Variants in SPAG9 observed in about 807,000 individuals in gnomAD.
The protein encoded by SPAG9 is C-Jun-amino-terminal kinase-interacting protein 4.
In SPAG9, 35 loss-of-function variants were observed where a neutral mutation model predicts 166.5. That is an observed-to-expected ratio of 0.21 (90% confidence interval 0.16 to 0.28). The LOEUF is 0.28. Among genes scored for constraint, SPAG9 ranks in the 10% least tolerant of loss-of-function variants. The pLI is 1.00. For missense variants in SPAG9, 1,235 were observed against 1,603.3 expected (o/e 0.77, Z 3.92); for synonymous variants, 534 against 565.5 (o/e 0.94, Z 0.79).
chr17:51,008,903 A>G (rs1408494538), intron 9 of SPAG9, among the ~76,000 whole-genome samples: 1 of 152,194 alleles, frequency 6.6e-6, no homozygotes, highest in Non-Finnish European at 1.5e-5. Context: ...TAACAAAGTT[A>G]TAGAGACAGA....
In SPAG9 at chr17:51,021,308, C is replaced by G; in HGVS notation, c.841G>C (p.Ala281Pro). The change falls in exon 7 of 30, where the codon GCT (alanine) becomes CCT (proline). Residue 281 changes from alanine to proline, a missense_variant. Ala to Pro is a conservative substitution (Grantham distance 27). Transcript: ENST00000262013. ...GGAATTGTTGCCACATCTGAATTAG[C>G]TGTTGATGCTGGAGTGGTAGCTTTA... is the stretch of plus-strand genomic sequence containing the variant. ...GSKATTPAST[A>P]NSDVATIPTD... 1 of 1,614,062 alleles carries G rather than the reference C, an allele frequency of 6.2e-7. No individual in the cohort carries two copies. Among genetic ancestry groups the G allele is most frequent in the Non-Finnish European group, 8.5e-7 (1 of 1,179,956 alleles).
intron 11 of SPAG9, among the ~76,000 whole-genome samples, chr17:51,005,466 T>TA (rs943298826): frequency 2.0e-5 from 3 of 152,200 alleles, no homozygotes; most frequent in African/African-American, 4.8e-5. Context: ...GAAAGTGGGA[T>TA]AAAAAAATAA....
intron 15 of SPAG9, among the ~76,000 whole-genome samples, chr17:50,998,022 ATTTTT>A (rs563896612): frequency 3.3e-5 from 3 of 90,800 alleles, no homozygotes; most frequent in South Asian, 4.2e-4. Context: ...TACAGAAATG[ATTTTT>A]TTTTTTTTTT....
intron 19 of SPAG9, among the ~76,000 whole-genome samples, chr17:50,992,157 G>A (rs1349202361): frequency 6.6e-6 from 1 of 151,514 alleles, no homozygotes; most frequent in Non-Finnish European, 1.5e-5. Context: ...GAAAGTGCTG[G>A]GATTATGAGT....
At chr17:51,021,710 T>C (rs2045943184) in intron 6 of SPAG9, among the ~76,000 whole-genome samples, 1 of 152,166 alleles carries the variant, frequency 6.6e-6, no homozygotes, top group Admixed American at 6.5e-5. Context: ...CTTTAGAACA[T>C]TTAGAACACA....
At chr17:51,053,876 T>A (rs1165277651) in intron 3 of SPAG9, among the ~76,000 whole-genome samples, 2 of 101,518 alleles carry the variant, frequency 2.0e-5, no homozygotes, top group Non-Finnish European at 3.6e-5. Flanking sequence ...TATATATATA[T>A]ATATATATAT....
At chr17:51,032,439 C>T (rs904935026) in intron 5 of SPAG9, among the ~76,000 whole-genome samples, 1 of 152,152 alleles carries the variant, frequency 6.6e-6, no homozygotes, top group African/African-American at 2.4e-5. Flanking sequence ...GCTGGGATTA[C>T]AGGCATGAGC....
At chr17:51,039,388 C>T (rs137974148) in intron 5 of SPAG9, among the ~76,000 whole-genome samples, 110 of 152,198 alleles carry the variant, frequency 7.2e-4, no homozygotes, top group African/African-American at 2.5e-3. Flanking sequence ...ATCTAGTGAA[C>T]GACAAGGGCT....
chr17:51,059,949 G>A (rs1266884424), intron 2 of SPAG9, among the ~76,000 whole-genome samples: 4 of 151,978 alleles, frequency 2.6e-5, no homozygotes, highest in Non-Finnish European at 4.4e-5. Flanking sequence ...TCAAAATAGA[G>A]ATGGAATCAA....
chr17:51,061,097 C>T (rs964391046), intron 2 of SPAG9, among the ~76,000 whole-genome samples: 10 of 151,830 alleles, frequency 6.6e-5, no homozygotes, highest in Non-Finnish European at 1.3e-4. Flanking sequence ...CCACCCACCT[C>T]GGCCTCCCAA....
rs1023810785 is a variant in SPAG9 at position 50,991,923 on chromosome 17, C to CTTT, written c.2399-1258_2399-1256dup. On this transcript the variant is annotated intron_variant, in intron 19 of 29. Coordinates refer to ENST00000262013, the MANE Select transcript of SPAG9 (RefSeq NM_001130528.3). ...ACAGGTGTAAGCCACCATGCCAGGT[C>CTTT]TTTTTTTTTTTTTTTTTTTTTTTTT... is the stretch of plus-strand genomic sequence containing the variant. Among the ~76,000 whole-genome samples, 306 of 63,328 alleles carry CTTT rather than the reference C, an allele frequency of 4.8e-3. 15 individuals carry two copies. Among genetic ancestry groups the CTTT allele is most frequent in the African/African-American group, 0.01 (163 of 15,788 alleles). The allele number at this position is 63,328 out of a possible 152,430, so 41.5% of individuals were successfully genotyped here.
intron 1 of SPAG9, among the ~76,000 whole-genome samples, chr17:51,093,514 A>C (rs1399239427): frequency 6.6e-6 from 1 of 151,892 alleles, no homozygotes; most frequent in Non-Finnish European, 1.5e-5. Context: ...CGTCCTGGCT[A>C]ACATGGTGAA....
intron 26 of SPAG9, 53 bp downstream of exon 26, chr17:50,979,693 T>A: frequency 6.5e-7 from 1 of 1,543,758 alleles, no homozygotes; most frequent in Non-Finnish European, 8.9e-7. Context: ...CATAGATAGA[T>A]AAAATAAAAC....
chr17:51,069,239 T>C (rs180693646), intron 2 of SPAG9, among the ~76,000 whole-genome samples: 1 of 152,144 alleles, frequency 6.6e-6, no homozygotes, highest in East Asian at 1.9e-4. Flanking sequence ...ATCTTCGTAA[T>C]CTACTTTTAT....
intron 12 of SPAG9, among the ~76,000 whole-genome samples, chr17:51,004,771 G>A (rs1459332128): frequency 6.6e-6 from 1 of 152,078 alleles, no homozygotes; most frequent in East Asian, 1.9e-4. Context: ...TTAGCAAGAA[G>A]CTCATATTTA....
rs1180881233 is a variant in SPAG9, at chr17:51,033,207, A to T, written c.742-1485T>A. ...TTATTTATAAGATCTTTGATTCTAGATTCTCATCATCTTTAATCATTCTCT... is the reference window on the plus strand; with the variant it reads ...TTATTTATAAGATCTTTGATTCTAGTTTCTCATCATCTTTAATCATTCTCT... On this transcript the variant is annotated intron_variant, in intron 5 of 29. Coordinates refer to ENST00000262013, the MANE Select transcript of SPAG9 (RefSeq NM_001130528.3). Among the ~76,000 whole-genome samples the T allele has an allele frequency of 4.0e-5, 6 of 151,824 alleles. No individual in the cohort carries two copies. The South Asian group carries it at 8.3e-4, about 21-fold the overall frequency.
rs749946887 is a variant in SPAG9 at position 50,990,437 on chromosome 17, A to G, written c.2617+13T>C. ...GACTCTATACAGATGGCAGGTAAAG[A>G]GAATGGATATACCTGGTGGTTTATC... On this transcript the variant is annotated intron_variant, in intron 20 of 29. Coordinates refer to ENST00000262013, the MANE Select transcript of SPAG9 (RefSeq NM_001130528.3). The G allele has an allele frequency of 1.3e-6, 2 of 1,589,966 alleles. No homozygotes were observed. The highest frequency in any genetic ancestry group is 1.7e-6 in the Non-Finnish European group (2 of 1,158,038).
chr17:51,033,389 C>T (rs751726961), intron 5 of SPAG9, among the ~76,000 whole-genome samples: 1 of 150,854 alleles, frequency 6.6e-6, no homozygotes, highest in Non-Finnish European at 1.5e-5. Context: ...TCTATGTGCA[C>T]CTGTAAAGAA....
intron 2 of SPAG9, among the ~76,000 whole-genome samples, chr17:51,077,049 T>TCTAGCTAGCTAGCTAGCTAG (rs367746645): frequency 1.4e-5 from 1 of 71,732 alleles, no homozygotes; most frequent in Non-Finnish European, 3.5e-5. Flanking sequence ...TATCTAGCTA[T>TCTAGCTAGCTAGCTAGCTAG]CTAGCTAGCT....
Sources: gnomAD v4.1 joint callset for allele counts (sites outside exome capture counted in the v4.1 genomes callset) on GRCh38, gnomAD v4.1.1 for gene constraint, MANE v1.5 for transcripts, NCBI Gene and HGNC (gene_info 2026-07-23, HGNC 2026-07-21) for gene names.